Variants in KCNH5 observed in about 807,000 individuals in gnomAD.
The protein encoded by KCNH5 is voltage-gated delayed rectifier potassium channel KCNH5.
Under a neutral mutation model 96.1 loss-of-function variants are expected in KCNH5, and 46 were observed. That is an observed-to-expected ratio of 0.48 (90% CI 0.38 to 0.61). The LOEUF (loss-of-function observed/expected upper bound fraction) is 0.61, where lower values mean the gene tolerates loss of function less well. KCNH5 is among the 20% of genes least tolerant of loss of function. KCNH5 has a pLI of 0.00. For missense variants in KCNH5, 907 were observed against 1,225.8 expected, an observed-to-expected ratio of 0.74 and a Z score of 3.88; for synonymous variants, 439 against 449.8, an observed-to-expected ratio of 0.98 and a Z score of 0.30.
At chr14:62,856,456 C>A (rs1036954632) in intron 7 of KCNH5, among the ~76,000 whole-genome samples, 1 of 152,176 alleles carries the variant, frequency 6.6e-6, no homozygotes, top group Non-Finnish European at 1.5e-5. Context: ...CGCTTAAGGC[C>A]TCATAGGTGA....
In KCNH5 at chr14:62,914,667, G is replaced by A. The variant is rs1889239924; in HGVS notation, c.1369+35466C>T. ...TCCTTTGCCCCTTCCACCATGTGAG[G>A]ACAAAACTAGAAGACACCATCTATG... On this transcript the variant is annotated intron_variant, in intron 7 of 10. Coordinates refer to ENST00000322893, the MANE Select transcript of KCNH5 (RefSeq NM_139318.5). Among the ~76,000 whole-genome samples the A allele has an allele frequency of 2.6e-5, 4 of 152,124 alleles. No individual in the cohort carries two copies. The South Asian group carries it at 6.2e-4, about 24-fold the overall frequency.
intron 7 of KCNH5, among the ~76,000 whole-genome samples, chr14:62,941,436 C>A (rs118110266): frequency 0.02 from 3,029 of 152,176 alleles, 59 homozygotes; most frequent in East Asian, 0.082. Context: ...CTGAGACTGC[C>A]CTGGACTACA....
At chr14:62,730,443 G>A (rs1368138413) in intron 10 of KCNH5, among the ~76,000 whole-genome samples, 1 of 152,118 alleles carries the variant, frequency 6.6e-6, no homozygotes, top group Non-Finnish European at 1.5e-5. Context: ...GGTTGAAAGA[G>A]AACAAAATCA....
intron 7 of KCNH5, among the ~76,000 whole-genome samples, chr14:62,937,904 T>C (rs1216389198): frequency 6.6e-6 from 1 of 152,028 alleles, no homozygotes; most frequent in Non-Finnish European, 1.5e-5. Context: ...GGGAAAGAAG[T>C]TGGGGAAACA....
intron 7 of KCNH5, among the ~76,000 whole-genome samples, chr14:62,880,966 A>G (rs1168371903): frequency 2.0e-5 from 3 of 152,228 alleles, no homozygotes; most frequent in Non-Finnish European, 1.5e-5. Context: ...GTCCTTCTCT[A>G]CATTGACACA....
intron 7 of KCNH5, among the ~76,000 whole-genome samples, chr14:62,862,207 A>C (rs577601786): frequency 1.3e-5 from 2 of 152,356 alleles, no homozygotes; most frequent in African/African-American, 4.8e-5. Context: ...GCATTAGGAT[A>C]ATACTTAAAA....
intron 6 of KCNH5, among the ~76,000 whole-genome samples, chr14:62,975,827 C>A (rs531080990): frequency 6.6e-6 from 1 of 152,032 alleles, no homozygotes; most frequent in Non-Finnish European, 1.5e-5. Flanking sequence ...TAAATCAAAA[C>A]GTAATTAATC....
intron 8 of KCNH5, among the ~76,000 whole-genome samples, chr14:62,846,622 G>A (rs577807984): frequency 6.6e-6 from 1 of 151,512 alleles, no homozygotes; most frequent in South Asian, 2.1e-4. Flanking sequence ...ATATTAAGTA[G>A]TATGTCAATT....
intron 4 of KCNH5, among the ~76,000 whole-genome samples, chr14:62,988,697 CA>C (rs78891981): frequency 0.3 from 44,651 of 149,906 alleles, 8,190 homozygotes; most frequent in East Asian, 0.58. Context: ...GCTGTGGAAA[CA>C]AAAAAAAAGG....
At chr14:62,977,949 G>C (rs939087152) in intron 6 of KCNH5, among the ~76,000 whole-genome samples, 4 of 152,162 alleles carry the variant, frequency 2.6e-5, no homozygotes, top group African/African-American at 9.7e-5. Flanking sequence ...ACAGTAAATG[G>C]ATAGTCCCAG....
intron 6 of KCNH5, among the ~76,000 whole-genome samples, chr14:62,951,456 A>C (rs868573725): frequency 2.0e-5 from 3 of 152,200 alleles, no homozygotes; most frequent in Non-Finnish European, 4.4e-5. Context: ...GCAGTGATCC[A>C]GGAAGCCTCT....
At chr14:62,909,202 C>A (rs1345140494) in intron 7 of KCNH5, among the ~76,000 whole-genome samples, 1 of 150,252 alleles carries the variant, frequency 6.7e-6, no homozygotes, top group African/African-American at 2.5e-5. Flanking sequence ...CCCGCCACTA[C>A]GCCCGGCTAA....
At chr14:62,924,159 G>C (rs1026018596) in intron 7 of KCNH5, among the ~76,000 whole-genome samples, 2 of 151,872 alleles carry the variant, frequency 1.3e-5, no homozygotes, top group African/African-American at 4.8e-5. Flanking sequence ...AATGGGCAAA[G>C]GACCTGAATA....
chr14:62,864,664 G>A (rs1198056960), intron 7 of KCNH5, among the ~76,000 whole-genome samples: 1 of 152,104 alleles, frequency 6.6e-6, no homozygotes, highest in African/African-American at 2.4e-5. Flanking sequence ...GTAGTTTCTG[G>A]ATCAAATAAG....
intron 9 of KCNH5, among the ~76,000 whole-genome samples, chr14:62,784,223 G>C (rs1350124713): frequency 6.6e-6 from 1 of 152,142 alleles, no homozygotes; most frequent in African/African-American, 2.4e-5. Context: ...AAAGCCATCA[G>C]ATCTCATGAG....
At chr14:62,844,416 T>C (rs1595651381) in intron 8 of KCNH5, among the ~76,000 whole-genome samples, 1 of 152,234 alleles carries the variant, frequency 6.6e-6, no homozygotes, top group East Asian at 1.9e-4. Flanking sequence ...ATTTACTTCA[T>C]TTGAATTATT....
At chr14:63,037,611 G>T (rs917523322) in intron 1 of KCNH5, among the ~76,000 whole-genome samples, 14 of 152,074 alleles carry the variant, frequency 9.2e-5, no homozygotes, top group African/African-American at 3.1e-4. Flanking sequence ...AAAAATAAAT[G>T]CCAGCAGACC....
intron 7 of KCNH5, among the ~76,000 whole-genome samples, chr14:62,882,490 T>C (rs1270595102): frequency 6.6e-6 from 1 of 152,206 alleles, no homozygotes; most frequent in Non-Finnish European, 1.5e-5. Context: ...CTTATGCTTA[T>C]TGTATGACAC....
intron 2 of KCNH5, 48 bp from the exon 3 acceptor site, chr14:63,006,520 T>C: frequency 2.8e-6 from 3 of 1,056,980 alleles, no homozygotes; most frequent in Non-Finnish European, 4.4e-6. Context: ...TGTGTTGCCT[T>C]TCAAATGCTA....
Sources: gnomAD v4.1 joint callset for allele counts (sites outside exome capture counted in the v4.1 genomes callset) on GRCh38, gnomAD v4.1.1 for gene constraint, MANE v1.5 for transcripts, NCBI Gene and HGNC (gene_info 2026-07-23, HGNC 2026-07-21) for gene names.